CCDC60: variants seen among roughly 807,000 people sequenced by gnomAD.
CCDC60 encodes coiled-coil domain-containing protein 60.
In CCDC60, 54 loss-of-function variants were observed where a neutral mutation model predicts 63.5. The ratio of observed to expected loss-of-function variants is 0.85; its 90% CI spans 0.68 to 1.07. CCDC60 has a LOEUF of 1.07. CCDC60 is among the 50% of genes least tolerant of loss of function. The pLI is 0.00. For missense variants in CCDC60, 651 were observed against 684.3 expected, an observed-to-expected ratio of 0.95 and a Z score of 0.54; for synonymous variants, 206 against 238.8, an observed-to-expected ratio of 0.86 and a Z score of 1.27.
At chr12:119,380,146 T>C (rs1438959247) in intron 1 of CCDC60, among the ~76,000 whole-genome samples, 2 of 152,218 alleles carry the variant, frequency 1.3e-5, no homozygotes, top group Non-Finnish European at 2.9e-5. Context: ...TTTTTCAAGA[T>C]TTTTCAGTAT....
intron 4 of CCDC60, among the ~76,000 whole-genome samples, chr12:119,485,016 A>G (rs1951403366): frequency 6.6e-6 from 1 of 152,190 alleles, no homozygotes; most frequent in South Asian, 2.1e-4. Flanking sequence ...GACCCAGAGC[A>G]ATCAAGGAAG....
chr12:119,373,036 T>C (rs1021302432), intron 1 of CCDC60, among the ~76,000 whole-genome samples: 4 of 152,126 alleles, frequency 2.6e-5, no homozygotes, highest in Non-Finnish European at 2.9e-5. Context: ...TAGATTATGA[T>C]GATTGTAAGT....
chr12:119,379,535 T>C (rs142188644), intron 1 of CCDC60, among the ~76,000 whole-genome samples: 75 of 152,342 alleles, frequency 4.9e-4, no homozygotes, highest in Non-Finnish European at 1.0e-3. Context: ...CTAATCCTCA[T>C]AGCAACTCTG....
chr12:119,350,120 G>A (rs916185829), intron 1 of CCDC60, among the ~76,000 whole-genome samples: 4 of 152,086 alleles, frequency 2.6e-5, no homozygotes, highest in Non-Finnish European at 2.9e-5. Context: ...GGGAGATGTG[G>A]GGTGTGCCCC....
At chr12:119,471,899 C>T in intron 2 of CCDC60, 95 bp from the exon 3 acceptor site, 1 of 955,276 alleles carries the variant, frequency 1.0e-6, no homozygotes. Context: ...TTTTCTCTTT[C>T]CTCTCTCTCT....
chr12:119,540,668 C>T lies in CCDC60; in HGVS notation c.1606C>T (p.Gln536Ter). The change falls in exon 14 of 14, where the codon CAG (glutamine) becomes TAG (stop). Residue 536 changes from glutamine to a stop codon, truncating the protein, a stop_gained. Transcript: ENST00000327554. LOFTEE classifies it low-confidence loss of function (END_TRUNC). ...TCAAGAGGATTACATCAGCTGGCTG[C>T]AGAGCCGGATCAACATACCCATTGG... ...MPQEDYISWL[Q>*]SRINIPIGPY... is the part of the protein sequence containing the mutation. 1 of 1,614,014 alleles carries T rather than the reference C, an allele frequency of 6.2e-7. No individual in the cohort carries two copies. The highest frequency in any genetic ancestry group is 8.5e-7 in the Non-Finnish European group (1 of 1,179,998).
intron 2 of CCDC60, among the ~76,000 whole-genome samples, chr12:119,469,519 C>T (rs1319035911): frequency 6.6e-6 from 1 of 152,164 alleles, no homozygotes; most frequent in East Asian, 1.9e-4. Context: ...CCCGGCCTCC[C>T]AAAGTGCTGA....
rs1952479359 is a variant in CCDC60, at chr12:119,520,025, C to T, written c.969-96C>T. ...GCTCAGTAGAGTCTGAAGATTCTTG[C>T]TCTAGAAAGAGAATTCCCCCTCCTC... On this transcript the variant is annotated intron_variant, in intron 8 of 13. Coordinates refer to ENST00000327554, the MANE Select transcript of CCDC60 (RefSeq NM_178499.5). 5 of 1,016,970 alleles carry T rather than the reference C, an allele frequency of 4.9e-6. No individual in the cohort carries two copies. The East Asian group carries it at 7.2e-5, about 15-fold the overall frequency. 63.0% of individuals were successfully genotyped at this position (1,016,970 alleles called of 1,614,324 possible). A position where few individuals can be genotyped will look rare whatever the true frequency, so the allele number is the denominator to read the frequency against.
chr12:119,431,779 C>T (rs1215096243), intron 2 of CCDC60, among the ~76,000 whole-genome samples: 2 of 152,090 alleles, frequency 1.3e-5, no homozygotes, highest in Non-Finnish European at 2.9e-5. Flanking sequence ...CCCGGGTTCA[C>T]GCCATTCTCC....
chr12:119,342,695 A>C (rs1315281833), intron 1 of CCDC60, among the ~76,000 whole-genome samples: 1 of 152,232 alleles, frequency 6.6e-6, no homozygotes, highest in Non-Finnish European at 1.5e-5. Flanking sequence ...ACATGTATTG[A>C]GTTCCAAGGA....
chr12:119,406,776 A>C (rs929244171), intron 1 of CCDC60, among the ~76,000 whole-genome samples: 1 of 151,800 alleles, frequency 6.6e-6, no homozygotes, highest in Non-Finnish European at 1.5e-5. Flanking sequence ...AGCCCCACCC[A>C]CTTACCTACA....
At chr12:119,448,702 G>A (rs967954540) in intron 2 of CCDC60, among the ~76,000 whole-genome samples, 9 of 152,060 alleles carry the variant, frequency 5.9e-5, no homozygotes, top group African/African-American at 2.2e-4. Context: ...AGGCGCATTA[G>A]GTTCCTTAGC....
At chr12:119,521,366 TC>T (rs1225606757) in intron 9 of CCDC60, among the ~76,000 whole-genome samples, 5 of 151,686 alleles carry the variant, frequency 3.3e-5, no homozygotes, top group African/African-American at 1.2e-4. Flanking sequence ...AATGGGAGAG[TC>T]AAGCATTTCT....
intron 12 of CCDC60, among the ~76,000 whole-genome samples, chr12:119,530,518 A>T (rs1216124927): frequency 6.6e-6 from 1 of 152,172 alleles, no homozygotes; most frequent in East Asian, 1.9e-4. Context: ...CATCCCAAAG[A>T]TGTGTGTACA....
intron 2 of CCDC60, among the ~76,000 whole-genome samples, chr12:119,459,299 G>A (rs1251788311): frequency 6.6e-6 from 1 of 152,054 alleles, no homozygotes; most frequent in African/African-American, 2.4e-5. Context: ...TCTGGGGTGG[G>A]GCCCAAGATT....
intron 2 of CCDC60, chr12:119,433,719 T>A: frequency 3.2e-6 from 2 of 628,912 alleles, no homozygotes; most frequent in Non-Finnish European, 5.7e-6. Flanking sequence ...CAAACTATTT[T>A]ACTGTCTCTT....
intron 11 of CCDC60, among the ~76,000 whole-genome samples, chr12:119,524,762 AC>A (rs1231501185): frequency 9.5e-6 from 1 of 105,598 alleles, no homozygotes; most frequent in Non-Finnish European, 1.8e-5. Context: ...TTGCTCTGTT[AC>A]CCAGGCTGGA....
rs78496411 is a variant in CCDC60, at chr12:119,449,324, G to C, written c.170+20562G>C. Among the ~76,000 whole-genome samples the C allele has an allele frequency of 1.3e-3, 196 of 152,334 alleles. 5 individuals carry two copies. The East Asian group carries it at 0.034, about 26-fold the overall frequency. On this transcript the variant is annotated intron_variant, in intron 2 of 13. Transcript: ENST00000327554. The stretch of plus-strand genomic sequence containing the variant: ...TACAAATGAAAGAAATAACTTTCCT[G>C]AGAGGCATGTAGGGAGCTTGTTTCA...
chr12:119,527,759 C>T (rs1952726541), intron 11 of CCDC60, among the ~76,000 whole-genome samples: 1 of 145,798 alleles, frequency 6.9e-6, no homozygotes, highest in South Asian at 2.2e-4. Context: ...TCACTGCAAG[C>T]TCCGCCTCCT....
Sources: gnomAD v4.1 joint callset for allele counts (sites outside exome capture counted in the v4.1 genomes callset) on GRCh38, gnomAD v4.1.1 for gene constraint, MANE v1.5 for transcripts, NCBI Gene and HGNC (gene_info 2026-07-23, HGNC 2026-07-21) for gene names.